MGMT: variants seen among roughly 807,000 people sequenced by gnomAD.
MGMT encodes methylated-DNA--protein-cysteine methyltransferase.
A neutral mutation model predicts 15.9 loss-of-function variants in MGMT; 14 were observed. That is an observed-to-expected ratio of 0.88 (90% CI 0.58 to 1.37). MGMT has a LOEUF of 1.37. MGMT is among the 40% of genes most tolerant of loss of function. MGMT has a pLI of 0.00. For missense variants in MGMT, 282 were observed against 268.1 expected, an observed-to-expected ratio of 1.05 and a Z score of -0.36; for synonymous variants, 130 against 118.2, an observed-to-expected ratio of 1.10 and a Z score of -0.65.
At chr10:129,568,112 C>T (rs1846376243) in intron 2 of MGMT, among the ~76,000 whole-genome samples, 1 of 152,234 alleles carries the variant, frequency 6.6e-6, no homozygotes, top group Non-Finnish European at 1.5e-5. Flanking sequence ...CAGGAATGGG[C>T]CGAGACAGCC....
At chr10:129,553,539 A>G (rs1228117384) in intron 2 of MGMT, among the ~76,000 whole-genome samples, 1 of 152,174 alleles carries the variant, frequency 6.6e-6, no homozygotes, top group African/African-American at 2.4e-5. Context: ...CAACAAAGGA[A>G]TGAATTAAAA....
intron 3 of MGMT, among the ~76,000 whole-genome samples, chr10:129,758,548 C>G (rs773360247): frequency 2.0e-5 from 3 of 152,114 alleles, no homozygotes; most frequent in African/African-American, 4.8e-5. Flanking sequence ...CTCCTCATTC[C>G]TGCAGCAGGA....
chr10:129,737,125 G>T (rs1180430106), intron 3 of MGMT, among the ~76,000 whole-genome samples: 5 of 152,118 alleles, frequency 3.3e-5, no homozygotes, highest in African/African-American at 9.7e-5. Flanking sequence ...GATTGGGGAA[G>T]TTCTCCTGGA....
At chr10:129,507,160 C>T (rs182413053) in intron 1 of MGMT, among the ~76,000 whole-genome samples, 101 of 152,310 alleles carry the variant, frequency 6.6e-4, no homozygotes, top group African/African-American at 2.4e-3. Context: ...CAGGACTGAT[C>T]TAGTGTTGAA....
chr10:129,665,286 C>T (rs1380114882), intron 2 of MGMT, among the ~76,000 whole-genome samples: 3 of 139,238 alleles, frequency 2.2e-5, no homozygotes, highest in Admixed American at 7.4e-5. Context: ...TCCCCTCTCC[C>T]AACTCTCTCT....
intron 2 of MGMT, among the ~76,000 whole-genome samples, chr10:129,642,260 T>C (rs1847336539): frequency 6.6e-6 from 1 of 152,178 alleles, no homozygotes; most frequent in African/African-American, 2.4e-5. Flanking sequence ...CCTATGAACT[T>C]CATCATTATG....
At chr10:129,598,781 C>T (rs531866768) in intron 2 of MGMT, among the ~76,000 whole-genome samples, 5 of 152,268 alleles carry the variant, frequency 3.3e-5, no homozygotes, top group Middle Eastern at 3.4e-3. Flanking sequence ...AAAGTAGAGA[C>T]GACTTGCCCA....
intron 1 of MGMT, among the ~76,000 whole-genome samples, chr10:129,476,668 G>C (rs917264616): frequency 6.6e-6 from 1 of 152,172 alleles, no homozygotes; most frequent in South Asian, 2.1e-4. Context: ...GGAGTGGCTG[G>C]GTGGGGAGGT....
intron 1 of MGMT, among the ~76,000 whole-genome samples, chr10:129,472,183 T>C (rs1488593581): frequency 6.6e-6 from 1 of 152,134 alleles, no homozygotes; most frequent in African/African-American, 2.4e-5. Flanking sequence ...TTTGTGGGAC[T>C]GAATTGAGCT....
chr10:129,746,741 T>C (rs542767919), intron 3 of MGMT, among the ~76,000 whole-genome samples: 11 of 152,306 alleles, frequency 7.2e-5, no homozygotes, highest in Non-Finnish European at 1.0e-4. Flanking sequence ...ATTATTATTA[T>C]GTATAGTAAG....
Position 129,770,132 on chromosome 10 carries a change from C to T in MGMT, c.*3135C>T, listed in dbSNP as rs1848984920. ...GTGCGTCGCGCCCCACGTGCTTCTC[C>T]AGAATCCCGTTTGGAGGGGCCAAGC... On this transcript the variant is annotated 3_prime_UTR_variant, in exon 5 of 5. Coordinates refer to ENST00000651593, the MANE Select transcript of MGMT (RefSeq NM_002412.5). Among the ~76,000 whole-genome samples the T allele has an allele frequency of 6.6e-6, 1 of 152,192 alleles. No homozygotes were observed.
intron 1 of MGMT, among the ~76,000 whole-genome samples, chr10:129,520,778 T>G (rs538357752): frequency 6.7e-6 from 1 of 149,788 alleles, no homozygotes; most frequent in South Asian, 2.1e-4. Flanking sequence ...AAGGTGTGCC[T>G]GCAGAGCCCC....
intron 2 of MGMT, among the ~76,000 whole-genome samples, chr10:129,574,772 A>T (rs1456471092): frequency 6.6e-6 from 1 of 152,222 alleles, no homozygotes; most frequent in Non-Finnish European, 1.5e-5. Context: ...AGACTTGATG[A>T]TGTAGCAACT....
chr10:129,495,782 C>G (rs1254691918), intron 1 of MGMT, among the ~76,000 whole-genome samples: 3 of 152,192 alleles, frequency 2.0e-5, no homozygotes, highest in African/African-American at 4.8e-5. Flanking sequence ...AGAGCATCTT[C>G]ACGTAGTTCA....
chr10:129,745,906 T>C lies in MGMT; in HGVS notation c.275-13296T>C, dbSNP rs140244530. ...TTGGATTTCTTATTTCCAAATATTT[T>C]CTCCTAGCTAGTAGTAGCTAGTCTT... is the stretch of plus-strand genomic sequence containing the variant. On this transcript the variant is annotated intron_variant, in intron 3 of 4. Transcript: ENST00000651593. Among the ~76,000 whole-genome samples, 66 of 152,266 alleles carry C rather than the reference T, an allele frequency of 4.3e-4. No homozygotes were observed. In the East Asian group the frequency reaches 0.012, roughly 28 times the overall value.
At chr10:129,657,813 C>T (rs952613623) in intron 2 of MGMT, among the ~76,000 whole-genome samples, 3 of 152,030 alleles carry the variant, frequency 2.0e-5, no homozygotes, top group African/African-American at 7.3e-5. Context: ...TGTGGCCTGA[C>T]TTCATGAGGC....
chr10:129,602,169 A>T (rs1021527853), intron 2 of MGMT, among the ~76,000 whole-genome samples: 1 of 152,176 alleles, frequency 6.6e-6, no homozygotes, highest in African/African-American at 2.4e-5. Flanking sequence ...AGCAAGTGTG[A>T]TACAGAATCA....
chr10:129,471,162 C>T (rs1247607134), intron 1 of MGMT, among the ~76,000 whole-genome samples: 1 of 152,196 alleles, frequency 6.6e-6, no homozygotes, highest in Admixed American at 6.5e-5. Flanking sequence ...ATCGTTCTGC[C>T]AGTCGCAATA....
At chr10:129,569,798 C>T (rs997701346) in intron 2 of MGMT, among the ~76,000 whole-genome samples, 8 of 152,134 alleles carry the variant, frequency 5.3e-5, no homozygotes, top group African/African-American at 7.2e-5. Context: ...CTTTGTGGGA[C>T]GTGTTCTCAA....
Sources: gnomAD v4.1 joint callset for allele counts (sites outside exome capture counted in the v4.1 genomes callset) on GRCh38, gnomAD v4.1.1 for gene constraint, MANE v1.5 for transcripts, NCBI Gene and HGNC (gene_info 2026-07-23, HGNC 2026-07-21) for gene names.